Variants in NINJ2 observed in about 807,000 individuals in gnomAD.
The protein encoded by NINJ2 is ninjurin-2.
A neutral mutation model predicts 11.7 loss-of-function variants in NINJ2; 12 were observed. The observed-to-expected ratio is 1.02, with a 90% CI of 0.66 to 1.66. The LOEUF is 1.66. NINJ2 is among the 40% of genes most tolerant of loss of function. The pLI is 0.00. For missense variants in NINJ2, 187 were observed against 181.8 expected (o/e 1.03, Z -0.16); for synonymous variants, 93 against 76.8 (o/e 1.21, Z -1.10).
chr12:620,974 G>T (rs1308445221), intron 1 of NINJ2, among the ~76,000 whole-genome samples: 1 of 152,126 alleles, frequency 6.6e-6, no homozygotes, highest in Non-Finnish European at 1.5e-5. Flanking sequence ...GAAAAGTTTG[G>T]CTACCACTGG....
At chr12:657,473 C>T (rs766223749) in intron 1 of NINJ2, among the ~76,000 whole-genome samples, 60 of 152,244 alleles carry the variant, frequency 3.9e-4, no homozygotes, top group Admixed American at 1.2e-3. Flanking sequence ...CCTGTAGTCC[C>T]AGCTACTCAG....
intron 1 of NINJ2, among the ~76,000 whole-genome samples, chr12:648,807 A>G (rs1166735442): frequency 6.6e-6 from 1 of 152,158 alleles, no homozygotes; most frequent in Non-Finnish European, 1.5e-5. Context: ...CTTTCACCTT[A>G]GAGTCTAAAC....
rs908606635 is a variant in NINJ2 at position 580,892 on chromosome 12, CTGTGTGTCTGTG to C, written c.34-14726_34-14715del. 2.8e-4 allele frequency among the ~76,000 whole-genome samples: 42 copies of C among 149,732 alleles called. No homozygotes were observed. The East Asian group carries it at 5.1e-3, about 18-fold the overall frequency. On this transcript the variant is annotated intron_variant, in intron 1 of 3. Transcript: ENST00000305108. This position sits in a 1 kb window ranked among gnomAD's most constrained non-coding sequence, Gnocchi z 4.7. ...TGTGTGAATGTGTCTATGCATGTGT[CTGTGTGTCTGTG>C]TGTGTGTCTGTATGTTTGTGTGTGT...
intron 1 of NINJ2, among the ~76,000 whole-genome samples, chr12:653,661 C>T (rs1396517928): frequency 6.6e-6 from 1 of 150,756 alleles, no homozygotes; most frequent in African/African-American, 2.4e-5. Context: ...AAAACAGGAA[C>T]ATATAAAATG....
intron 1 of NINJ2, among the ~76,000 whole-genome samples, chr12:636,917 A>G (rs1465280494): frequency 2.6e-5 from 4 of 152,240 alleles, no homozygotes; most frequent in Non-Finnish European, 5.9e-5. Context: ...ACTGAAAGAA[A>G]GGACTCAGAT....
At chr12:607,878 G>A (rs758706750) in intron 1 of NINJ2, among the ~76,000 whole-genome samples, 8 of 152,196 alleles carry the variant, frequency 5.3e-5, no homozygotes, top group Non-Finnish European at 7.3e-5. Context: ...CTCATTCTTG[G>A]CAGGAGCAAA....
intron 1 of NINJ2, among the ~76,000 whole-genome samples, chr12:596,990 C>T (rs1947797046): frequency 6.6e-6 from 1 of 152,090 alleles, no homozygotes; most frequent in South Asian, 2.1e-4. Context: ...AAAAGTTAAG[C>T]TTCTGTCACA....
rs975953167 is a variant in NINJ2 at position 565,261 on chromosome 12, C to A, written c.403G>T (p.Ala135Ser). The A allele has an allele frequency of 3.7e-6, 6 of 1,613,912 alleles. No individual in the cohort carries two copies. In the African/African-American group the frequency reaches 6.7e-5, roughly 18 times the overall value. Residue 135 changes from alanine (A) to serine (S), a missense_variant, in exon 3 of 4, where the codon GCC (alanine) becomes TCC (serine). Transcript: ENST00000305108. ...FGAHKTGFLA[A>S]RASRNPL ...CAGAGAGGATTCCTTGAGGCCCTGG[C>A]AGCCAGGAACCCTGTTTTATGTGCC... is the stretch of plus-strand genomic sequence containing the variant.
intron 1 of NINJ2, chr12:586,367 G>A (rs1355114929): frequency 2.0e-5 from 3 of 152,240 alleles, no homozygotes; most frequent in Non-Finnish European, 4.4e-5. Flanking sequence ...TCCAGAAGGT[G>A]AGATGGCCCA....
chr12:609,024 G>A (rs1434862849), intron 1 of NINJ2, among the ~76,000 whole-genome samples: 1 of 150,100 alleles, frequency 6.7e-6, no homozygotes, highest in Non-Finnish European at 1.5e-5. Flanking sequence ...CCACGCTAGG[G>A]GCTGTACGCA....
At chr12:595,772 C>T (rs918188683) in intron 1 of NINJ2, among the ~76,000 whole-genome samples, 3 of 152,012 alleles carry the variant, frequency 2.0e-5, no homozygotes, top group Non-Finnish European at 4.4e-5. Context: ...AAAAAAAACA[C>T]TTTTGATAAA....
rs555539488 is a variant in NINJ2 at position 564,467 on chromosome 12, G to T, written c.*233C>A. ...AGGTCCAGCAGATGCTACCAGGAAG[G>T]TATGGCTGGCAGTACCTGCGTCTGA... is the stretch of plus-strand genomic sequence containing the variant. On this transcript the variant is annotated 3_prime_UTR_variant, in exon 4 of 4. Transcript: ENST00000305108. 2.0e-5 allele frequency: 3 copies of T among 152,356 alleles called. No homozygotes were observed. The East Asian group carries it at 5.8e-4, about 29-fold the overall frequency. 9.4% of individuals were successfully genotyped at this position (152,356 alleles called of 1,614,324 possible). A position where few individuals can be genotyped will look rare whatever the true frequency, so the allele number is the denominator to read the frequency against.
chr12:655,723 G>A (rs901677919), intron 1 of NINJ2, among the ~76,000 whole-genome samples: 8 of 151,936 alleles, frequency 5.3e-5, no homozygotes, highest in African/African-American at 1.9e-4. Flanking sequence ...GACCAGCCTG[G>A]TCAACATGGT....
At chr12:573,208 G>C (rs780434239) in intron 1 of NINJ2, among the ~76,000 whole-genome samples, 1 of 151,638 alleles carries the variant, frequency 6.6e-6, no homozygotes, top group Non-Finnish European at 1.5e-5. Flanking sequence ...CTTATTTTTA[G>C]TAGAGACGGG....
At chr12:638,877 C>A (rs866595063) in intron 1 of NINJ2, among the ~76,000 whole-genome samples, 1 of 152,190 alleles carries the variant, frequency 6.6e-6, no homozygotes. Flanking sequence ...ATCCAGTACA[C>A]AGCGAACATT....
Position 582,528 on chromosome 12 carries a change from CGCAG to C in NINJ2, c.34-16354_34-16351del, listed in dbSNP as rs771366035. Among the ~76,000 whole-genome samples the C allele has an allele frequency of 1.8e-4, 13 of 71,292 alleles. No homozygotes were observed. In the East Asian group the frequency reaches 7.7e-3, roughly 42 times the overall value. The allele number at this position is 71,292 out of a possible 152,430, so 46.8% of individuals were successfully genotyped here. On this transcript the variant is annotated intron_variant, in intron 1 of 3. Coordinates refer to ENST00000305108, the MANE Select transcript of NINJ2 (RefSeq NM_016533.6). ...ATGCTAGAGTGAATGAATGAATGGACGCAGGCAGGCAGGCATGCTAGAGTGAATG... is the reference window on the plus strand; with the variant it reads ...ATGCTAGAGTGAATGAATGAATGGACGCAGGCAGGCATGCTAGAGTGAATG...
chr12:586,765 C>T (rs2120857159), intron 1 of NINJ2, among the ~76,000 whole-genome samples: 1 of 152,342 alleles, frequency 6.6e-6, no homozygotes, highest in Middle Eastern at 3.4e-3. Flanking sequence ...GGTCCTTTCC[C>T]CAACAGCCAG....
intron 1 of NINJ2, among the ~76,000 whole-genome samples, chr12:634,672 A>G (rs1699570429): frequency 6.6e-6 from 1 of 152,178 alleles, no homozygotes; most frequent in African/African-American, 2.4e-5. Flanking sequence ...AATGTAGAGA[A>G]TGGTCGTACC....
chr12:643,740 C>G (rs1592116076), intron 1 of NINJ2: 32 of 935,030 alleles, frequency 3.4e-5, no homozygotes, highest in Non-Finnish European at 4.1e-5. Flanking sequence ...CTGGAACTCG[C>G]TCCCCCCTCA....
Sources: gnomAD v4.1 joint callset for allele counts (sites outside exome capture counted in the v4.1 genomes callset) on GRCh38, gnomAD v4.1.1 for gene constraint, Gnocchi (gnomAD v3.1) non-coding constraint, MANE v1.5 for transcripts, NCBI Gene and HGNC (gene_info 2026-07-23, HGNC 2026-07-21) for gene names.